The following PSME3 variants were observed in gnomAD, a reference collection of about 807,000 sequenced individuals.
The protein encoded by PSME3 is proteasome activator subunit 3.
In PSME3, 7 loss-of-function variants were observed where a neutral mutation model predicts 38.3. The observed-to-expected ratio is 0.18, with a 90% CI of 0.10 to 0.34. The LOEUF (loss-of-function observed/expected upper bound fraction) is 0.34. Ranked by LOEUF, PSME3 falls within the 10% of genes least tolerant of loss-of-function variation. PSME3 has a pLI of 1.00. For synonymous variants in PSME3, 108 were observed against 105.7 expected (o/e 1.02, Z -0.13); for missense variants, 192 against 307.6 (o/e 0.62, Z 2.81).
intron 4 of PSME3, 51 bp downstream of exon 4, chr17:42,834,927 C>T (rs919088989): frequency 1.9e-6 from 3 of 1,606,114 alleles, no homozygotes; most frequent in Non-Finnish European, 1.7e-6. Flanking sequence ...GTCCTCTGTC[C>T]TCTGTTTCCT....
At position 42,839,154 on chromosome 17, in the gene PSME3, A is replaced by G; in HGVS notation, c.585A>G (p.Lys195=). Reference sequence around the variant, plus strand: ...CCAAATTGGTTTCTAAAATAGCTAAATATCCCCATGTGGTAAGTAAGGGGT... The same window carrying G: ...CCAAATTGGTTTCTAAAATAGCTAAGTATCCCCATGTGGTAAGTAAGGGGT... ...TRAKLVSKIA[K]YPHVEDYRRT... is the part of the protein sequence containing the mutation. The change falls in exon 9 of 11, where the codon AAA becomes AAG. Residue 195 remains lysine (K), a synonymous_variant. Transcript: ENST00000590720. 1 of 1,583,562 alleles carries G rather than the reference A, an allele frequency of 6.3e-7. No individual in the cohort carries two copies. The highest frequency in any genetic ancestry group is 1.1e-5 in the South Asian group (1 of 90,480).
chr17:42,841,175 G>A (rs2055528439), intron 10 of PSME3, among the ~76,000 whole-genome samples: 1 of 149,422 alleles, frequency 6.7e-6, no homozygotes, highest in South Asian at 2.1e-4. Flanking sequence ...TTCACTTAAT[G>A]TTGTCCATAG....
Position 42,841,488 on chromosome 17 carries a change from C to A in PSME3, c.685-10C>A. ...CAGATATGTGATTCCCCTGATCCCT[C>A]TTCTCTCAGGTCACTCTACATGACA... On this transcript the variant is annotated splice_polypyrimidine_tract_variant and intron_variant, in intron 10 of 10. Coordinates refer to ENST00000590720, the MANE Select transcript of PSME3 (RefSeq NM_005789.4). 6.4e-7 allele frequency: 1 copy of A among 1,573,666 alleles called. No homozygotes were observed. The highest frequency in any genetic ancestry group is 8.7e-7 in the Non-Finnish European group (1 of 1,148,740).
At chr17:42,840,215 G>A (rs1028661626) in intron 10 of PSME3, among the ~76,000 whole-genome samples, 8 of 151,910 alleles carry the variant, frequency 5.3e-5, no homozygotes, top group Non-Finnish European at 7.4e-5. Context: ...CCCGGGAGGC[G>A]GAGGTTGCAG....
rs1194639338 is a variant in PSME3 at position 42,833,469 on chromosome 17, G to T, written c.-163G>T. ...CAAGCAGGCAGCAGGCTGCCGGCGGGCGGGCGGACGGCACAGAGGGAGGGA... is the reference window on the plus strand; with the variant it reads ...CAAGCAGGCAGCAGGCTGCCGGCGGTCGGGCGGACGGCACAGAGGGAGGGA... On this transcript the variant is annotated 5_prime_UTR_variant, in exon 1 of 11. Transcript: ENST00000590720. 1.3e-6 allele frequency: 1 copy of T among 780,964 alleles called. No homozygotes were observed. Among genetic ancestry groups the T allele is most frequent in the Non-Finnish European group, 2.0e-6 (1 of 491,424 alleles). The allele number at this position is 780,964 out of a possible 1,614,324, so 48.4% of individuals were successfully genotyped here.
At position 42,833,493 on chromosome 17, in the gene PSME3, G is replaced by A. The variant is rs1344964227; in HGVS notation, c.-139G>A. 2.0e-6 allele frequency: 2 copies of A among 1,024,872 alleles called. No individual in the cohort carries two copies. The highest frequency in any genetic ancestry group is 2.9e-6 in the Non-Finnish European group (2 of 684,394). 63.5% of individuals were successfully genotyped at this position (1,024,872 alleles called of 1,614,324 possible). A position where few individuals can be genotyped will look rare whatever the true frequency, so the allele number is the denominator to read the frequency against. ...GGCGGGCGGACGGCACAGAGGGAGG[G>A]AGCGAGCGAGCAGTGAGTAAGCCAG... On this transcript the variant is annotated 5_prime_UTR_variant, in exon 1 of 11. Transcript: ENST00000590720.
intron 4 of PSME3, among the ~76,000 whole-genome samples, chr17:42,835,875 G>A (rs184902345): frequency 2.0e-5 from 3 of 152,068 alleles, no homozygotes; most frequent in African/African-American, 7.3e-5. Flanking sequence ...TCTTTGCTTT[G>A]CATCTCTAAC....
chr17:42,837,938 A>T (rs1048129281), intron 5 of PSME3, among the ~76,000 whole-genome samples, 155 bp from the exon 6 acceptor site: 1 of 152,094 alleles, frequency 6.6e-6, no homozygotes, highest in African/African-American at 2.4e-5. Flanking sequence ...CTTTTTTTCC[A>T]TACATTCTCG....
chr17:42,833,899 G>A, intron 1 of PSME3: 1 of 1,455,386 alleles, frequency 6.9e-7, no homozygotes, highest in Non-Finnish European at 9.0e-7. Context: ...ACACCTCCGC[G>A]GACACGTGTT....
intron 5 of PSME3, 34 bp downstream of exon 5, chr17:42,837,731 C>G (rs1328689542): frequency 6.2e-7 from 1 of 1,603,526 alleles, no homozygotes; most frequent in Non-Finnish European, 8.5e-7. Context: ...TCCCCTCACC[C>G]CATCCCTGAC....
chr17:42,842,246 A>G lies in PSME3; in HGVS notation c.*668A>G, dbSNP rs890567190. On this transcript the variant is annotated 3_prime_UTR_variant, in exon 11 of 11. Coordinates refer to ENST00000590720, the MANE Select transcript of PSME3 (RefSeq NM_005789.4). ...TGTATACGCCCATACAGACATGCAC[A>G]CACAGACTCCTACTCCATTAGCTAA... 1 of 152,642 alleles carries G rather than the reference A, an allele frequency of 6.6e-6. No homozygotes were observed. The highest frequency in any genetic ancestry group is 2.4e-5 in the African/African-American group (1 of 41,448). 9.5% of individuals were successfully genotyped at this position (152,642 alleles called of 1,614,324 possible).
rs2055533446 is a variant in PSME3, at chr17:42,841,482, A to C, written c.685-16A>C. Reference sequence around the variant, plus strand: ...GTTGTACAGATATGTGATTCCCCTGATCCCTCTTCTCTCAGGTCACTCTAC... The same window carrying C: ...GTTGTACAGATATGTGATTCCCCTGCTCCCTCTTCTCTCAGGTCACTCTAC... On this transcript the variant is annotated splice_polypyrimidine_tract_variant and intron_variant, in intron 10 of 10. Transcript: ENST00000590720. 6.5e-7 allele frequency: 1 copy of C among 1,549,780 alleles called. No individual in the cohort carries two copies. The highest frequency in any genetic ancestry group is 8.9e-7 in the Non-Finnish European group (1 of 1,128,456).
At chr17:42,838,903 A>G (rs778533249) in intron 7 of PSME3, 42 bp from the exon 8 acceptor site, 3 of 1,610,966 alleles carry the variant, frequency 1.9e-6, no homozygotes, top group East Asian at 2.2e-5. Flanking sequence ...TGTGGATGAC[A>G]TGGAAGTGGC....
chr17:42,841,727 T>C lies in PSME3; in HGVS notation c.*149T>C. On this transcript the variant is annotated 3_prime_UTR_variant, in exon 11 of 11. Transcript: ENST00000590720. Reference sequence around the variant, plus strand: ...GTTAGAGTCTAATGAAACTCTCATCTAGTTCTGTGATGTGTTTACCTCTTT... The same window carrying C: ...GTTAGAGTCTAATGAAACTCTCATCCAGTTCTGTGATGTGTTTACCTCTTT... 3.7e-6 allele frequency: 2 copies of C among 538,716 alleles called. No individual in the cohort carries two copies. Among genetic ancestry groups the C allele is most frequent in the Non-Finnish European group, 6.4e-6 (2 of 311,500 alleles). 33.4% of individuals were successfully genotyped at this position (538,716 alleles called of 1,614,324 possible).
rs1258557813 is a variant in PSME3, at chr17:42,842,767, T to C, written c.*1189T>C. 6.5e-6 allele frequency: 1 copy of C among 152,820 alleles called. No individual in the cohort carries two copies. Among genetic ancestry groups the C allele is most frequent in the Non-Finnish European group, 1.5e-5 (1 of 68,060 alleles). The allele number at this position is 152,820 out of a possible 1,614,324, so 9.5% of individuals were successfully genotyped here. On this transcript the variant is annotated 3_prime_UTR_variant, in exon 11 of 11. Transcript: ENST00000590720. ...TCCTGTCTCTCGAATCTTCCAGAGATATCACTTAATTGTTAACAGCTTTTG... is the reference window on the plus strand; with the variant it reads ...TCCTGTCTCTCGAATCTTCCAGAGACATCACTTAATTGTTAACAGCTTTTG...
rs762048193 is a variant in PSME3 at position 42,839,134 on chromosome 17, T to C, written c.565T>C (p.Leu189=). 17 of 1,591,338 alleles carry C rather than the reference T, an allele frequency of 1.1e-5. No individual in the cohort carries two copies. The Middle Eastern group carries it at 5.0e-4, about 47-fold the overall frequency. ...ISRYYITRAK[L]VSKIAKYPHV... ...CAGATATTATATTACAAGAGCCAAA[T>C]TGGTTTCTAAAATAGCTAAATATCC... Residue 189 remains leucine (L), a synonymous_variant, in exon 9 of 11, where the codon TTG becomes CTG. Transcript: ENST00000590720.
Position 42,839,495 on chromosome 17 carries a change from C to G in PSME3, c.684+115C>G, listed in dbSNP as rs187552141. 296 of 790,880 alleles carry G rather than the reference C, an allele frequency of 3.7e-4. 3 individuals carry two copies. In the Admixed American group the frequency reaches 6.8e-3, roughly 18 times the overall value. 49.0% of individuals were successfully genotyped at this position (790,880 alleles called of 1,614,324 possible). On this transcript the variant is annotated intron_variant, in intron 10 of 10. Transcript: ENST00000590720. ...AGGGTCTGAGGTAAAATGAATAGAC[C>G]AAATTCTATTCATCACCTGAGTGTT...
In PSME3 at chr17:42,841,991, G is replaced by T. The variant is rs1374420062; in HGVS notation, c.*413G>T. 1 of 155,096 alleles carries T rather than the reference G, an allele frequency of 6.4e-6. No homozygotes were observed. The highest frequency in any genetic ancestry group is 2.4e-5 in the African/African-American group (1 of 41,466). 9.6% of individuals were successfully genotyped at this position (155,096 alleles called of 1,614,324 possible). On this transcript the variant is annotated 3_prime_UTR_variant, in exon 11 of 11. Coordinates refer to ENST00000590720, the MANE Select transcript of PSME3 (RefSeq NM_005789.4). ...GTGCTAGGTGTTTTTTAGGAACTAG[G>T]GTGGCGGGGGGACGAACTTCTCTTC...
intron 9 of PSME3, 46 bp downstream of exon 9, chr17:42,839,212 G>T (rs765578029): frequency 6.4e-7 from 1 of 1,561,572 alleles, no homozygotes; most frequent in Non-Finnish European, 8.8e-7. Flanking sequence ...GCAGGATAGT[G>T]AAGAGTGACT....
Sources: gnomAD v4.1 joint callset for allele counts (sites outside exome capture counted in the v4.1 genomes callset) on GRCh38, gnomAD v4.1.1 for gene constraint, MANE v1.5 for transcripts, NCBI Gene and HGNC (gene_info 2026-07-23, HGNC 2026-07-21) for gene names.